GPR158: variants seen among roughly 807,000 people sequenced by gnomAD.
GPR158 encodes metabotropic glycine receptor.
A neutral mutation model predicts 78.2 loss-of-function variants in GPR158; 30 were observed. The observed-to-expected ratio is 0.38, with a 90% CI of 0.29 to 0.52. The LOEUF (loss-of-function observed/expected upper bound fraction) is 0.52, where lower values mean the gene tolerates loss of function less well. GPR158 is among the 20% of genes least tolerant of loss of function. GPR158 has a pLI of 0.83. For synonymous variants in GPR158, 581 were observed against 591.1 expected, an observed-to-expected ratio of 0.98 and a Z score of 0.25; for missense variants, 1,463 against 1,523.5, an observed-to-expected ratio of 0.96 and a Z score of 0.66.
intron 2 of GPR158, among the ~76,000 whole-genome samples, chr10:25,304,203 C>A (rs556675539): frequency 6.6e-6 from 1 of 151,572 alleles, no homozygotes; most frequent in African/African-American, 2.4e-5. Flanking sequence ...TTTGGAAATA[C>A]CTGGCTTTGA....
intron 2 of GPR158, among the ~76,000 whole-genome samples, chr10:25,323,754 G>T (rs1262358096): frequency 6.6e-6 from 1 of 151,554 alleles, no homozygotes; most frequent in African/African-American, 2.4e-5. Flanking sequence ...TTGGCCTCAA[G>T]TGATCCTCCT....
intron 2 of GPR158, among the ~76,000 whole-genome samples, chr10:25,376,364 G>A (rs1443812071): frequency 6.6e-6 from 1 of 151,022 alleles, no homozygotes; most frequent in East Asian, 1.9e-4. Flanking sequence ...GGGTTTTTTT[G>A]TTTGATACAG....
At chr10:25,206,935 C>T (rs1255232602) in intron 1 of GPR158, among the ~76,000 whole-genome samples, 2 of 150,604 alleles carry the variant, frequency 1.3e-5, no homozygotes, top group Admixed American at 1.3e-4. Flanking sequence ...AGAGAAAGGA[C>T]TTAATTATTC....
In GPR158 at chr10:25,540,797, T is replaced by TG. The variant is rs1287982232; in HGVS notation, c.1405-10173dup. ...TCACACACCGGGGCCTGTCGTGGGG[T>TG]GGGGGGAGTGGGGAGGGATAGCATT... On this transcript the variant is annotated intron_variant, in intron 5 of 10. Transcript: ENST00000376351. Among the ~76,000 whole-genome samples, 11 of 142,648 alleles carry TG rather than the reference T, an allele frequency of 7.7e-5. No homozygotes were observed. In the East Asian group the frequency reaches 2.3e-3, roughly 30 times the overall value. The allele number at this position is 142,648 out of a possible 152,430, so 93.6% of individuals were successfully genotyped here.
chr10:25,583,944 T>G (rs1036151908), intron 7 of GPR158, among the ~76,000 whole-genome samples: 4 of 152,192 alleles, frequency 2.6e-5, no homozygotes, highest in Non-Finnish European at 5.9e-5. Context: ...ATCACAGAAC[T>G]GGAGCACCTT....
At chr10:25,272,838 A>G (rs892354957) in intron 2 of GPR158, among the ~76,000 whole-genome samples, 5 of 152,188 alleles carry the variant, frequency 3.3e-5, no homozygotes, top group African/African-American at 1.2e-4. Context: ...CAAGAAAGGA[A>G]GGTTATCCAG....
intron 5 of GPR158, among the ~76,000 whole-genome samples, chr10:25,522,330 G>A (rs1220478577): frequency 2.0e-5 from 3 of 152,066 alleles, no homozygotes; most frequent in Non-Finnish European, 2.9e-5. Flanking sequence ...GTAATAAATC[G>A]CCTGCTTTTA....
rs540270154 is a variant in GPR158, at chr10:25,534,949, A to T, written c.1405-16027A>T. The stretch of plus-strand genomic sequence containing the variant: ...CAGCAGTTCTTAGTCAAGAATCATG[A>T]TCCTGAAGATGGGTTAGACTCTGTT... On this transcript the variant is annotated intron_variant, in intron 5 of 10. Coordinates refer to ENST00000376351, the MANE Select transcript of GPR158 (RefSeq NM_020752.3). 2.0e-5 allele frequency among the ~76,000 whole-genome samples: 3 copies of T among 152,332 alleles called. No individual in the cohort carries two copies. The East Asian group carries it at 5.8e-4, about 29-fold the overall frequency.
At chr10:25,234,193 T>G (rs1008554844) in intron 2 of GPR158, among the ~76,000 whole-genome samples, 19 of 152,294 alleles carry the variant, frequency 1.2e-4, no homozygotes, top group African/African-American at 4.6e-4. Context: ...TCCTGGTTTC[T>G]GGACTCTCTC....
chr10:25,464,284 T>G (rs1201140937), intron 4 of GPR158, among the ~76,000 whole-genome samples: 2 of 152,194 alleles, frequency 1.3e-5, no homozygotes, highest in Admixed American at 1.3e-4. Context: ...ACATAAAATC[T>G]TAGAAGATAT....
intron 5 of GPR158, among the ~76,000 whole-genome samples, chr10:25,544,896 C>T (rs1223307115): frequency 6.6e-6 from 1 of 152,054 alleles, no homozygotes; most frequent in Non-Finnish European, 1.5e-5. Flanking sequence ...TATGATACTC[C>T]CCTCTCTGTG....
In GPR158 at chr10:25,423,125, A is replaced by ACGTAGATACG. The variant is rs747403063; in HGVS notation, c.1335+10652_1335+10653insCGTAGATACG. ...TATATGTCTACACATATATACATATATATGTATATACATATACATATATAT... is the reference window on the plus strand; with the variant it reads ...TATATGTCTACACATATATACATATACGTAGATACGTATGTATATACATATACATATATAT... On this transcript the variant is annotated intron_variant, in intron 4 of 10. Transcript: ENST00000376351. 5.6e-3 allele frequency among the ~76,000 whole-genome samples: 787 copies of ACGTAGATACG among 140,868 alleles called. 12 individuals are homozygous for ACGTAGATACG. The highest frequency in any genetic ancestry group is 0.02 in the African/African-American group (760 of 37,318). 92.4% of individuals were successfully genotyped at this position (140,868 alleles called of 152,430 possible). A position where few individuals can be genotyped will look rare whatever the true frequency, so the allele number is the denominator to read the frequency against.
intron 5 of GPR158, among the ~76,000 whole-genome samples, chr10:25,513,013 C>T (rs1246029817): frequency 6.6e-6 from 1 of 151,884 alleles, no homozygotes; most frequent in African/African-American, 2.4e-5. Context: ...ATGCTATTTC[C>T]TGGTTTTGGA....
chr10:25,483,053 G>GTAT (rs1159324409), intron 5 of GPR158, among the ~76,000 whole-genome samples: 1 of 151,754 alleles, frequency 6.6e-6, no homozygotes, highest in Non-Finnish European at 1.5e-5. Flanking sequence ...CCACCATTGA[G>GTAT]TATTAGGTTA....
At chr10:25,193,168 T>C (rs936483056) in intron 1 of GPR158, among the ~76,000 whole-genome samples, 2 of 152,160 alleles carry the variant, frequency 1.3e-5, no homozygotes, top group Admixed American at 6.5e-5. Context: ...AAAATCCCTG[T>C]CCTCATGGAC....
intron 2 of GPR158, among the ~76,000 whole-genome samples, chr10:25,245,733 A>C (rs1853681331): frequency 6.6e-6 from 1 of 152,312 alleles, no homozygotes; most frequent in East Asian, 1.9e-4. Context: ...TTCTCTCCTG[A>C]GATTTTGGAA....
rs183992586 is a variant in GPR158 at position 25,278,197 on chromosome 10, A to G, written c.1008+57040A>G. Among the ~76,000 whole-genome samples, 18 of 152,288 alleles carry G rather than the reference A, an allele frequency of 1.2e-4. No homozygotes were observed. In the East Asian group the frequency reaches 2.9e-3, roughly 24 times the overall value. On this transcript the variant is annotated intron_variant, in intron 2 of 10. Coordinates refer to ENST00000376351, the MANE Select transcript of GPR158 (RefSeq NM_020752.3). ...TAACAAAATAGCACACACAAAAAATAGAGATGGCAAGAAAAAAATGAGCAG... is the reference window on the plus strand; with the variant it reads ...TAACAAAATAGCACACACAAAAAATGGAGATGGCAAGAAAAAAATGAGCAG...
intron 4 of GPR158, among the ~76,000 whole-genome samples, chr10:25,450,262 A>G (rs1835196284): frequency 6.6e-6 from 1 of 151,946 alleles, no homozygotes; most frequent in Non-Finnish European, 1.5e-5. Flanking sequence ...GGTTGACAGA[A>G]GCCTAGTGAG....
At chr10:25,411,731 C>G (rs1182337712) in intron 3 of GPR158, among the ~76,000 whole-genome samples, 1 of 151,728 alleles carries the variant, frequency 6.6e-6, no homozygotes, top group Non-Finnish European at 1.5e-5. Context: ...GTCCGGAGAT[C>G]GAGACCATTC....
Sources: allele counts gnomAD v4.1 joint callset (sites outside exome capture counted in the v4.1 genomes callset), GRCh38; gene constraint gnomAD v4.1.1; transcripts MANE v1.5; gene names NCBI Gene and HGNC (gene_info 2026-07-23, HGNC 2026-07-21).